Variants in ATP8A2 observed in about 807,000 individuals in gnomAD.
ATP8A2 encodes the protein ATPase phospholipid transporting 8A2, also known as phospholipid-transporting ATPase IB.
In ATP8A2, 100 loss-of-function variants were observed where a neutral mutation model predicts 165.6. That is an observed-to-expected ratio of 0.60 (90% confidence interval 0.51 to 0.71). The LOEUF (loss-of-function observed/expected upper bound fraction) is 0.71, where lower values mean the gene tolerates loss of function less well. Ranked by LOEUF, ATP8A2 falls within the 30% of genes least tolerant of loss-of-function variation. The pLI is 0.00. For missense variants in ATP8A2, 1,227 were observed against 1,479.5 expected (o/e 0.83, Z 2.80); for synonymous variants, 543 against 548.8 (o/e 0.99, Z 0.15).
intron 24 of ATP8A2, among the ~76,000 whole-genome samples, chr13:25,658,685 C>T (rs922590403): frequency 6.6e-6 from 1 of 152,200 alleles, no homozygotes; most frequent in Non-Finnish European, 1.5e-5. Flanking sequence ...CTTTTCCTAT[C>T]TTCCAGATAA....
At chr13:25,759,504 T>C (rs2044335722) in intron 25 of ATP8A2, among the ~76,000 whole-genome samples, 1 of 152,110 alleles carries the variant, frequency 6.6e-6, no homozygotes, top group African/African-American at 2.4e-5. Context: ...TAGTAAAATG[T>C]GCAGTGGGGA....
chr13:25,795,179 A>G (rs1024575865), intron 27 of ATP8A2, among the ~76,000 whole-genome samples: 36 of 152,206 alleles, frequency 2.4e-4, no homozygotes, highest in African/African-American at 7.7e-4. Flanking sequence ...CTTGCATTCA[A>G]TTTTCTCATT....
intron 28 of ATP8A2, among the ~76,000 whole-genome samples, chr13:25,835,425 C>T (rs1439863931): frequency 6.6e-6 from 1 of 152,014 alleles, no homozygotes; most frequent in Admixed American, 6.5e-5. Context: ...ATCTGATTGC[C>T]TGCTCCCAAT....
chr13:25,500,120 A>G (rs569843803), intron 2 of ATP8A2, among the ~76,000 whole-genome samples: 1 of 152,302 alleles, frequency 6.6e-6, no homozygotes, highest in African/African-American at 2.4e-5. Flanking sequence ...AGTGCCCTCC[A>G]TAAATGTATT....
rs956260829 is a variant in ATP8A2, at chr13:25,639,624, A to G, written c.2211+49925A>G. On this transcript the variant is annotated intron_variant, in intron 24 of 36. Coordinates refer to ENST00000381655, the MANE Select transcript of ATP8A2 (RefSeq NM_016529.6). ...AAAGCAAGTCCTTAGAGAACTACAAAGAGACTCAGACTCCCACACAATTAT... is the reference window on the plus strand; with the variant it reads ...AAAGCAAGTCCTTAGAGAACTACAAGGAGACTCAGACTCCCACACAATTAT... Among the ~76,000 whole-genome samples the G allele has an allele frequency of 5.3e-5, 8 of 152,328 alleles. 1 individual carries two copies. The highest frequency in any genetic ancestry group is 2.1e-4 in the South Asian group (1 of 4,820).
chr13:25,810,652 C>T (rs924091828), intron 27 of ATP8A2, among the ~76,000 whole-genome samples: 8 of 151,928 alleles, frequency 5.3e-5, no homozygotes, highest in South Asian at 2.1e-4. Context: ...ATCCATTGTC[C>T]AGCAACAATA....
intron 36 of ATP8A2, among the ~76,000 whole-genome samples, chr13:26,014,257 G>C (rs773962876): frequency 6.6e-6 from 1 of 152,196 alleles, no homozygotes; most frequent in African/African-American, 2.4e-5. Context: ...GTTCAGTGTA[G>C]GTCCTGCCAC....
At chr13:25,467,789 G>C (rs555990977) in intron 1 of ATP8A2, among the ~76,000 whole-genome samples, 10 of 152,210 alleles carry the variant, frequency 6.6e-5, no homozygotes, top group Middle Eastern at 3.4e-3. Context: ...CTGACCTCGT[G>C]ATCCGCCCGC....
intron 35 of ATP8A2, among the ~76,000 whole-genome samples, chr13:25,972,141 A>G (rs932584204): frequency 2.0e-5 from 3 of 152,240 alleles, no homozygotes; most frequent in Non-Finnish European, 4.4e-5. Flanking sequence ...CAAATTTACA[A>G]TTACAATTTT....
At chr13:25,412,272 A>ACTAGGGCAGCAGT in intron 1 of ATP8A2, among the ~76,000 whole-genome samples, 1 of 152,218 alleles carries the variant, frequency 6.6e-6, no homozygotes, top group Middle Eastern at 3.4e-3. Flanking sequence ...AGTTTATCTA[A>ACTAGGGCAGCAGT]TGATTCCTGC....
At chr13:25,772,030 A>G (rs1000796293) in intron 26 of ATP8A2, among the ~76,000 whole-genome samples, 15 of 152,298 alleles carry the variant, frequency 9.8e-5, no homozygotes, top group Middle Eastern at 3.4e-3. Context: ...ACCTTGGGAA[A>G]GTTACGAAGT....
At chr13:25,395,190 G>A (rs908339221) in intron 1 of ATP8A2, among the ~76,000 whole-genome samples, 1 of 152,064 alleles carries the variant, frequency 6.6e-6, no homozygotes, top group Admixed American at 6.5e-5. Context: ...ATGGTAGAGG[G>A]GCAGGGTTTT....
At chr13:25,512,431 G>A (rs1171869117) in intron 2 of ATP8A2, among the ~76,000 whole-genome samples, 2 of 152,078 alleles carry the variant, frequency 1.3e-5, no homozygotes, top group African/African-American at 2.4e-5. Context: ...CGGGCAGAGG[G>A]GCTCCTCACT....
chr13:25,905,654 G>A (rs1460831871), intron 33 of ATP8A2, among the ~76,000 whole-genome samples: 2 of 151,880 alleles, frequency 1.3e-5, no homozygotes, highest in African/African-American at 4.8e-5. Context: ...GAAGTGCAGA[G>A]GCCACAGGTT....
chr13:25,907,633 A>G (rs2762978), intron 33 of ATP8A2, among the ~76,000 whole-genome samples: 10,196 of 152,214 alleles, frequency 0.067, 1,102 homozygotes, highest in African/African-American at 0.23. Flanking sequence ...CGTTGATGAC[A>G]TTTTCTGAAG....
chr13:25,482,199 C>T (rs192534357), intron 2 of ATP8A2, among the ~76,000 whole-genome samples: 148 of 152,258 alleles, frequency 9.7e-4, no homozygotes, highest in Non-Finnish European at 1.7e-3. Context: ...TGATTAGGGC[C>T]CGCCTTAGAG....
chr13:25,446,037 A>G (rs1013251848), intron 1 of ATP8A2, among the ~76,000 whole-genome samples: 1 of 152,132 alleles, frequency 6.6e-6, no homozygotes, highest in Non-Finnish European at 1.5e-5. Context: ...TGTGCCTGAG[A>G]GAAACAGAGA....
chr13:25,516,767 C>T (rs190792103), intron 2 of ATP8A2, among the ~76,000 whole-genome samples: 40 of 143,984 alleles, frequency 2.8e-4, no homozygotes, highest in Admixed American at 1.1e-3. Flanking sequence ...TTCTTTCTTT[C>T]TTCCTTTCTT....
chr13:25,519,020 T>A (rs1281909413), intron 2 of ATP8A2, among the ~76,000 whole-genome samples: 2 of 152,208 alleles, frequency 1.3e-5, no homozygotes, highest in Non-Finnish European at 2.9e-5. Flanking sequence ...GTTGGCCCTT[T>A]GCCACGTTCA....
Sources: gnomAD v4.1 joint callset for allele counts (sites outside exome capture counted in the v4.1 genomes callset) on GRCh38, gnomAD v4.1.1 for gene constraint, MANE v1.5 for transcripts, NCBI Gene and HGNC (gene_info 2026-07-23, HGNC 2026-07-21) for gene names.